The following MALRD1 variants were observed in gnomAD, a reference collection of about 807,000 sequenced individuals.
MALRD1 encodes the protein MAM and LDL-receptor class A domain-containing protein 1.
MALRD1 carries 247 observed loss-of-function variants against 242.1 expected under a neutral mutation model. That is an observed-to-expected ratio of 1.02 (90% CI 0.92 to 1.13). MALRD1 has a LOEUF of 1.13. Among genes scored for constraint, MALRD1 ranks in the 50% most tolerant of loss-of-function variants. MALRD1 has a pLI of 0.00. For synonymous variants in MALRD1, 995 were observed against 866.6 expected, an observed-to-expected ratio of 1.15 and a Z score of -2.60; for missense variants, 2,989 against 2,533.1, an observed-to-expected ratio of 1.18 and a Z score of -3.86.
chr10:19,179,655 T>C (rs1835413520), intron 14 of MALRD1, among the ~76,000 whole-genome samples: 1 of 152,018 alleles, frequency 6.6e-6, no homozygotes, highest in Non-Finnish European at 1.5e-5. Flanking sequence ...TCTTATATTT[T>C]CTTATCACAA....
At chr10:19,628,742 A>G (rs1839785727) in intron 36 of MALRD1, among the ~76,000 whole-genome samples, 2 of 152,160 alleles carry the variant, frequency 1.3e-5, no homozygotes, top group Admixed American at 1.3e-4. Flanking sequence ...ATTTTTGAAA[A>G]CATATGTTGC....
rs1434598821 is a variant in MALRD1, at chr10:19,285,103, GT to G, written c.3419+1929del. ...CGCCCACTTTTTGTTGGGGTTGTTT[GT>G]TTTTTTCTTGTAAATTTGTTTGAGT... On this transcript the variant is annotated intron_variant, in intron 21 of 39. Coordinates refer to ENST00000454679, the MANE Select transcript of MALRD1 (RefSeq NM_001142308.3). Among the ~76,000 whole-genome samples, 260 of 136,190 alleles carry G rather than the reference GT, an allele frequency of 1.9e-3. 4 individuals are homozygous for G. Among genetic ancestry groups the G allele is most frequent in the African/African-American group, 7.1e-3 (242 of 34,026 alleles). 89.3% of individuals were successfully genotyped at this position (136,190 alleles called of 152,430 possible).
chr10:19,565,100 G>A (rs1329048004), intron 32 of MALRD1, among the ~76,000 whole-genome samples: 1 of 152,082 alleles, frequency 6.6e-6, no homozygotes, highest in Non-Finnish European at 1.5e-5. Context: ...GAAATAAATA[G>A]TGAGTTAGTA....
intron 18 of MALRD1, among the ~76,000 whole-genome samples, chr10:19,216,119 C>CTTTCTT (rs1554812815): frequency 3.3e-4 from 40 of 122,818 alleles, no homozygotes; most frequent in Middle Eastern, 8.7e-3. Context: ...TTCTTTCTTT[C>CTTTCTT]TTTTTTTTTT....
chr10:19,113,743 G>A (rs947476273), intron 5 of MALRD1, among the ~76,000 whole-genome samples: 6 of 150,498 alleles, frequency 4.0e-5, no homozygotes, highest in Admixed American at 3.3e-4. Context: ...TTCTTGTGCA[G>A]GGAATTTTCC....
At chr10:19,096,853 C>T (rs978831678) in intron 4 of MALRD1, among the ~76,000 whole-genome samples, 7 of 152,136 alleles carry the variant, frequency 4.6e-5, no homozygotes, top group Non-Finnish European at 8.8e-5. Context: ...CCCAGCTTAG[C>T]ACGGGCTTTG....
At chr10:19,176,806 G>T (rs1261790636) in intron 14 of MALRD1, among the ~76,000 whole-genome samples, 1 of 149,236 alleles carries the variant, frequency 6.7e-6, no homozygotes, top group Non-Finnish European at 1.5e-5. Flanking sequence ...GTGTGCGCGT[G>T]TCTGCCTGTG....
At chr10:19,265,338 AT>A (rs77425898) in intron 19 of MALRD1, among the ~76,000 whole-genome samples, 8 of 150,858 alleles carry the variant, frequency 5.3e-5, no homozygotes, top group Non-Finnish European at 8.9e-5. Flanking sequence ...TTATTTCTGA[AT>A]TTTTTTTATT....
At chr10:19,352,800 T>C (rs1366388344) in intron 26 of MALRD1, among the ~76,000 whole-genome samples, 2 of 152,138 alleles carry the variant, frequency 1.3e-5, no homozygotes, top group African/African-American at 4.8e-5. Flanking sequence ...TTTTGATAAT[T>C]TGTTGAAAGA....
intron 18 of MALRD1, among the ~76,000 whole-genome samples, chr10:19,237,087 G>A (rs139806078): frequency 2.6e-5 from 4 of 151,794 alleles, no homozygotes; most frequent in African/African-American, 9.7e-5. Flanking sequence ...GATCCAATAA[G>A]GATAGTTAGT....
In MALRD1 at chr10:19,283,614, C is replaced by T. The variant is rs180974988; in HGVS notation, c.3419+433C>T. On this transcript the variant is annotated intron_variant, in intron 21 of 39. Coordinates refer to ENST00000454679, the MANE Select transcript of MALRD1 (RefSeq NM_001142308.3). ...TCTGTCTTCCTACTTTTTCTCACTC[C>T]GATGTGTATTTGTCATACATGTATG... Among the ~76,000 whole-genome samples the T allele has an allele frequency of 3.6e-4, 55 of 152,012 alleles. 1 individual carries two copies. Among genetic ancestry groups the T allele is most frequent in the South Asian group, 2.9e-3 (14 of 4,800 alleles).
intron 29 of MALRD1, among the ~76,000 whole-genome samples, chr10:19,465,785 T>C (rs1308088985): frequency 6.6e-6 from 1 of 152,190 alleles, no homozygotes; most frequent in Non-Finnish European, 1.5e-5. Context: ...CTACCTGCTT[T>C]GGCCTCCCAA....
chr10:19,463,190 G>A (rs899320963), intron 29 of MALRD1, among the ~76,000 whole-genome samples: 4 of 151,644 alleles, frequency 2.6e-5, no homozygotes, highest in African/African-American at 9.7e-5. Flanking sequence ...ATTTCCATAG[G>A]TTTTCGGGGA....
intron 19 of MALRD1, among the ~76,000 whole-genome samples, chr10:19,262,356 T>C (rs1385231528): frequency 1.3e-5 from 2 of 152,122 alleles, no homozygotes; most frequent in Non-Finnish European, 1.5e-5. Context: ...TCTGTGTGTG[T>C]GTGTGGTAAG....
chr10:19,482,098 A>G (rs1837020128), intron 29 of MALRD1, among the ~76,000 whole-genome samples: 1 of 151,958 alleles, frequency 6.6e-6, no homozygotes, highest in African/African-American at 2.4e-5. Context: ...TATTCTTATT[A>G]TTCTCGTTTA....
At position 19,203,779 on chromosome 10, in the gene MALRD1, G is replaced by A. The variant is rs988797830; in HGVS notation, c.2003G>A (p.Ser668Asn). 2 of 1,550,650 alleles carry A rather than the reference G, an allele frequency of 1.3e-6. No homozygotes were observed. Among genetic ancestry groups the A allele is most frequent in the Non-Finnish European group, 1.7e-6 (2 of 1,146,932 alleles). The change falls in exon 15 of 40, where the codon AGT (serine) becomes AAT (asparagine). Residue 668 changes from serine (S) to asparagine (N), a missense_variant. Coordinates refer to ENST00000454679, the MANE Select transcript of MALRD1 (RefSeq NM_001142308.3). ...ANSCDWFEAISGDHFDWIRSS... is the reference protein window; with the variant it reads ...ANSCDWFEAINGDHFDWIRSS... ...AGCTGTGATTGGTTTGAAGCAATTA[G>A]TGGTGACCATTTTGACTGGATACGG...
At chr10:19,643,408 C>T (rs1242807503) in intron 36 of MALRD1, among the ~76,000 whole-genome samples, 1 of 152,052 alleles carries the variant, frequency 6.6e-6, no homozygotes, top group African/African-American at 2.4e-5. Flanking sequence ...ACTGTGCCAA[C>T]GCACTTCAGT....
chr10:19,645,821 A>G (rs564849267), intron 36 of MALRD1, among the ~76,000 whole-genome samples: 19 of 152,324 alleles, frequency 1.2e-4, no homozygotes, highest in South Asian at 1.0e-3. Context: ...TGGCACATAT[A>G]TACATATGTA....
chr10:19,400,098 C>A (rs909862251), intron 28 of MALRD1, among the ~76,000 whole-genome samples: 1 of 152,114 alleles, frequency 6.6e-6, no homozygotes, highest in Non-Finnish European at 1.5e-5. Flanking sequence ...ATTTAGTGAG[C>A]TTTTCCTTAA....
Sources: allele counts gnomAD v4.1 joint callset (sites outside exome capture counted in the v4.1 genomes callset), GRCh38; gene constraint gnomAD v4.1.1; transcripts MANE v1.5; gene names NCBI Gene and HGNC (gene_info 2026-07-23, HGNC 2026-07-21).